The following GPATCH8 variants were observed in gnomAD, a reference collection of about 807,000 sequenced individuals.
The protein encoded by GPATCH8 is G patch domain-containing protein 8.
Under a neutral mutation model 118.3 loss-of-function variants are expected in GPATCH8, and 18 were observed. The observed-to-expected ratio is 0.15, with a 90% CI of 0.11 to 0.23. The LOEUF (loss-of-function observed/expected upper bound fraction) is 0.23. Ranked by LOEUF, GPATCH8 falls within the 10% of genes least tolerant of loss-of-function variation. GPATCH8 has a pLI of 1.00. For missense variants in GPATCH8, 1,631 were observed against 1,873.8 expected (o/e 0.87, Z 2.39); for synonymous variants, 659 against 684.7 (o/e 0.96, Z 0.59).
intron 4 of GPATCH8, among the ~76,000 whole-genome samples, chr17:44,435,962 G>A (rs868536627): frequency 6.9e-6 from 1 of 144,298 alleles, no homozygotes; most frequent in African/African-American, 2.5e-5. Context: ...CCGGGAGACG[G>A]AGGTTGCAGT....
At chr17:44,449,316 C>A (rs1011653236) in intron 3 of GPATCH8, among the ~76,000 whole-genome samples, 1 of 152,026 alleles carries the variant, frequency 6.6e-6, no homozygotes, top group Non-Finnish European at 1.5e-5. Flanking sequence ...TTTCCTGAAC[C>A]CTACCCCAGA....
intron 5 of GPATCH8, 55 bp downstream of exon 5, chr17:44,435,006 GTTCT>G: frequency 1.2e-6 from 1 of 815,772 alleles, no homozygotes. Flanking sequence ...CAAAATTTGA[GTTCT>G]TTCTTATTCA....
intron 1 of GPATCH8, among the ~76,000 whole-genome samples, chr17:44,493,312 T>G (rs1230825702): frequency 1.3e-5 from 2 of 152,144 alleles, no homozygotes; most frequent in African/African-American, 4.8e-5. Flanking sequence ...CCACCCACCT[T>G]GGCCTCCCAA....
At chr17:44,429,120 G>A (rs549365204) in intron 5 of GPATCH8, among the ~76,000 whole-genome samples, 10 of 151,974 alleles carry the variant, frequency 6.6e-5, no homozygotes, top group South Asian at 4.2e-4. Context: ...CAGCCTGGGC[G>A]ACAGAGACTC....
chr17:44,433,214 T>C (rs994612452), intron 5 of GPATCH8, among the ~76,000 whole-genome samples: 1 of 152,184 alleles, frequency 6.6e-6, no homozygotes, highest in Non-Finnish European at 1.5e-5. Context: ...ATTTCATTTA[T>C]TTTTCACTCG....
At chr17:44,405,397 G>A (rs1321823857) in intron 7 of GPATCH8, among the ~76,000 whole-genome samples, 3 of 151,704 alleles carry the variant, frequency 2.0e-5, no homozygotes, top group African/African-American at 4.8e-5. Flanking sequence ...TAGTATAGAC[G>A]GGGTTTCTCC....
intron 3 of GPATCH8, among the ~76,000 whole-genome samples, chr17:44,442,154 G>A (rs2050721675): frequency 7.1e-6 from 1 of 141,726 alleles, no homozygotes; most frequent in Non-Finnish European, 1.5e-5. Flanking sequence ...AGGAGAGAGA[G>A]AAAGAGAGTT....
chr17:44,397,371 AG>A lies in GPATCH8; in HGVS notation c.*196del. On this transcript the variant is annotated 3_prime_UTR_variant, in exon 8 of 8. Coordinates refer to ENST00000591680, the MANE Select transcript of GPATCH8 (RefSeq NM_001002909.4). ...GGGAGGGACAAATTGAGAGGAGGAC[AG>A]GAAAAAGAAATCCCTGATAGTAAAC... 3 of 692,066 alleles carry A rather than the reference AG, an allele frequency of 4.3e-6. No homozygotes were observed. The highest frequency in any genetic ancestry group is 1.8e-5 in the African/African-American group (1 of 57,140). 42.9% of individuals were successfully genotyped at this position (692,066 alleles called of 1,614,324 possible).
chr17:44,471,100 C>A (rs1016637965), intron 2 of GPATCH8, among the ~76,000 whole-genome samples: 3 of 152,130 alleles, frequency 2.0e-5, no homozygotes, highest in African/African-American at 7.2e-5. Context: ...TTTAGCAATT[C>A]TCATATAATT....
At chr17:44,456,445 TAATTTAACAATA>T (rs1334289938) in intron 3 of GPATCH8, among the ~76,000 whole-genome samples, 1 of 152,220 alleles carries the variant, frequency 6.6e-6, no homozygotes, top group Non-Finnish European at 1.5e-5. Context: ...ATTCATATTC[TAATTTAACAATA>T]AAGCCTAAAT....
chr17:44,479,991 G>A (rs1383166676), intron 1 of GPATCH8, among the ~76,000 whole-genome samples: 1 of 151,544 alleles, frequency 6.6e-6, no homozygotes, highest in African/African-American at 2.4e-5. Context: ...TTGATAGGCT[G>A]GACTGGGAGA....
chr17:44,435,013 C>G, intron 5 of GPATCH8, 52 bp downstream of exon 5: 1 of 835,242 alleles, frequency 1.2e-6, no homozygotes, highest in Non-Finnish European at 2.1e-6. Context: ...TGAGTTCTTT[C>G]TTATTCAGTG....
At chr17:44,455,352 T>C (rs1282939649) in intron 3 of GPATCH8, among the ~76,000 whole-genome samples, 3 of 151,750 alleles carry the variant, frequency 2.0e-5, no homozygotes, top group Admixed American at 6.6e-5. Flanking sequence ...AAATACAAGA[T>C]TAGCCAGGCG....
chr17:44,436,029 CAA>C (rs1157048818), intron 4 of GPATCH8, among the ~76,000 whole-genome samples: 961 of 41,696 alleles, frequency 0.023, 4 homozygotes, highest in African/African-American at 0.082. Context: ...AACTCCATCT[CAA>C]AAAAAAAAAA....
chr17:44,430,052 C>T (rs2050249531), intron 5 of GPATCH8, among the ~76,000 whole-genome samples: 1 of 151,902 alleles, frequency 6.6e-6, no homozygotes, highest in Admixed American at 6.6e-5. Flanking sequence ...CAAAACCAAC[C>T]AACCAACCAA....
At chr17:44,460,786 G>A (rs1444268494) in intron 3 of GPATCH8, among the ~76,000 whole-genome samples, 1 of 152,166 alleles carries the variant, frequency 6.6e-6, no homozygotes, top group East Asian at 1.9e-4. Context: ...GAGTGACAGG[G>A]CTTTTTTGAA....
intron 1 of GPATCH8, among the ~76,000 whole-genome samples, chr17:44,488,275 G>T (rs1968953293): frequency 6.9e-6 from 1 of 145,042 alleles, no homozygotes. Flanking sequence ...CGCCCAGGCT[G>T]GAGTGTTGTG....
rs1171971851 is a variant in GPATCH8 at position 44,400,474 on chromosome 17, C to T, written c.1603G>A (p.Gly535Ser). 1 of 1,614,040 alleles carries T rather than the reference C, an allele frequency of 6.2e-7. No individual in the cohort carries two copies. ...TTGCTCAAAACTGGGAAGAAGGGAC[C>T]AGTAGGATGTTTGGGTCCTTCTTGG... Reference protein sequence around the residue: ...ESQEGPKHPTGPFFPVLSKDE... With the variant: ...ESQEGPKHPTSPFFPVLSKDE... Residue 535 changes from glycine (G) to serine (S), a missense_variant, in exon 8 of 8, where the codon GGT (glycine) becomes AGT (serine). Coordinates refer to ENST00000591680, the MANE Select transcript of GPATCH8 (RefSeq NM_001002909.4).
In GPATCH8 at chr17:44,398,297, A is replaced by G. The variant is rs1341357600; in HGVS notation, c.3780T>C (p.Ser1260=). The part of the protein sequence containing the change: ...GDTLESLDSS[S]QPGPVESSLL... Reference sequence around the variant, plus strand: ...AGCTGGACTCCACAGGGCCTGGCTGACTGCTGCTATCCAGGGACTCCAGGG... The same window carrying G: ...AGCTGGACTCCACAGGGCCTGGCTGGCTGCTGCTATCCAGGGACTCCAGGG... Residue 1260 remains serine (S), a synonymous_variant, in exon 8 of 8, where the codon AGT becomes AGC. Transcript: ENST00000591680. The G allele has an allele frequency of 2.5e-6, 4 of 1,613,746 alleles. No homozygotes were observed. Among genetic ancestry groups the G allele is most frequent in the Non-Finnish European group, 2.5e-6 (3 of 1,179,892 alleles).
Sources: allele counts gnomAD v4.1 joint callset (sites outside exome capture counted in the v4.1 genomes callset), GRCh38; gene constraint gnomAD v4.1.1; transcripts MANE v1.5; gene names NCBI Gene and HGNC (gene_info 2026-07-23, HGNC 2026-07-21).